Variants in ASNS observed in about 807,000 individuals in gnomAD.
The protein encoded by ASNS is asparagine synthetase [glutamine-hydrolyzing].
In ASNS, 37 loss-of-function variants were observed where a neutral mutation model predicts 62.6. The observed-to-expected ratio is 0.59, with a 90% CI of 0.45 to 0.78. ASNS has a LOEUF of 0.78. ASNS is among the 30% of genes least tolerant of loss of function. The pLI, the probability that ASNS is intolerant of heterozygous loss-of-function variation, is 0.00. For missense variants in ASNS, 520 were observed against 682.4 expected, an observed-to-expected ratio of 0.76 and a Z score of 2.65; for synonymous variants, 207 against 237.9, an observed-to-expected ratio of 0.87 and a Z score of 1.19.
chr7:97,878,389 C>T, the ASNS span, among the ~76,000 whole-genome samples: 1 of 152,102 alleles, frequency 6.6e-6, no homozygotes, highest in African/African-American at 2.4e-5. Context: ...GAAGGGAGTA[C>T]GTGACTGGGG....
At chr7:97,920,246 C>T in the ASNS span, among the ~76,000 whole-genome samples, 2 of 152,134 alleles carry the variant, frequency 1.3e-5, no homozygotes, top group Non-Finnish European at 2.9e-5. Flanking sequence ...TCAGGCGATC[C>T]GCCCACCTTG....
the ASNS span, among the ~76,000 whole-genome samples, chr7:97,916,735 A>C: frequency 6.6e-6 from 1 of 152,126 alleles, no homozygotes. Context: ...GAGGGCTTCC[A>C]TTTCATCTGC....
chr7:97,852,263 G>A lies in ASNS; in HGVS notation c.1682C>T (p.Ala561Val). ...ACATTACAGCATAAAGACCACCTAA[G>A]CTTTGACAGCTGACTTGTAGTGGGT... ...TLTHYKSAVK[A>V] is the part of the protein sequence containing the mutation. Residue 561 changes from alanine to valine, a missense_variant, in exon 13 of 13, where the codon GCT (alanine) becomes GTT (valine). By Grantham distance (64) the Ala-to-Val change is moderately conservative (BLOSUM62 0). Coordinates refer to ENST00000394308, the MANE Select transcript of ASNS (RefSeq NM_001673.5). The A allele has an allele frequency of 6.2e-7, 1 of 1,614,076 alleles. No individual in the cohort carries two copies. The highest frequency in any genetic ancestry group is 8.5e-7 in the Non-Finnish European group (1 of 1,180,014).
At chr7:97,871,725 T>TCGG (rs1792272408) in intron 1 of ASNS, 2 of 151,936 alleles carry the variant, frequency 1.3e-5, no homozygotes, top group Non-Finnish European at 2.9e-5. Context: ...AGACCTCTTC[T>TCGG]CGGCAGGGTT....
the ASNS span, among the ~76,000 whole-genome samples, chr7:97,923,830 G>A: frequency 5.1e-4 from 78 of 152,160 alleles, no homozygotes; most frequent in African/African-American, 1.7e-3. Flanking sequence ...CATATCCCAC[G>A]AATATTCCCT....
At chr7:97,887,226 A>G in the ASNS span, among the ~76,000 whole-genome samples, 7 of 152,298 alleles carry the variant, frequency 4.6e-5, no homozygotes, top group African/African-American at 1.7e-4. Context: ...GCCGTGCACA[A>G]TTACATGCAG....
At chr7:97,904,574 T>C in the ASNS span, among the ~76,000 whole-genome samples, 15 of 152,208 alleles carry the variant, frequency 9.9e-5, no homozygotes, top group East Asian at 2.7e-3. Context: ...GTACTAAGAA[T>C]TAAATGCTCC....
Position 97,864,359 on chromosome 7 carries a change from G to C in ASNS, c.387C>G (p.Ala129=). 6.2e-7 allele frequency: 1 copy of C among 1,613,768 alleles called. No homozygotes were observed. Among genetic ancestry groups the C allele is most frequent in the Non-Finnish European group, 8.5e-7 (1 of 1,179,854 alleles). The stretch of plus-strand genomic sequence containing the variant: ...CTCTACCCAGGAACACTTTCTTATT[G>C]GCAGTATCCAGTAAAACAAATGCAA... ...GVFAFVLLDT[A]NKKVFLGRDT... The change falls in exon 4 of 13, where the codon GCC becomes GCG. Residue 129 remains alanine (A), a synonymous_variant. Transcript: ENST00000394308.
the ASNS span, among the ~76,000 whole-genome samples, chr7:97,889,315 G>A: frequency 1.3e-5 from 2 of 152,050 alleles, no homozygotes; most frequent in African/African-American, 2.4e-5. Flanking sequence ...TCAGGAGTTC[G>A]AGAGCAGCCT....
upstream of ASNS, among the ~76,000 whole-genome samples, chr7:97,876,778 A>G (rs887038304): frequency 6.6e-6 from 1 of 152,146 alleles, no homozygotes; most frequent in African/African-American, 2.4e-5. Context: ...TGTGAAAATC[A>G]GAGTTCAGTA....
At chr7:97,881,209 T>G in the ASNS span, among the ~76,000 whole-genome samples, 50 of 152,352 alleles carry the variant, frequency 3.3e-4, no homozygotes, top group African/African-American at 1.2e-3. Context: ...CACACAGTGC[T>G]GGGATTACAG....
At chr7:97,907,721 A>G in the ASNS span, among the ~76,000 whole-genome samples, 4 of 151,476 alleles carry the variant, frequency 2.6e-5, no homozygotes, top group Non-Finnish European at 4.4e-5. Flanking sequence ...GTGAGCCGAG[A>G]TCGCACCACT....
chr7:97,870,504 T>G (rs1792202076), intron 1 of ASNS, among the ~76,000 whole-genome samples: 1 of 152,204 alleles, frequency 6.6e-6, no homozygotes, highest in Admixed American at 6.5e-5. Flanking sequence ...AGCTGGCTTT[T>G]CCGGAAAACC....
upstream of ASNS, among the ~76,000 whole-genome samples, chr7:97,872,801 G>T (rs1213859879): frequency 6.6e-6 from 1 of 152,220 alleles, no homozygotes; most frequent in Non-Finnish European, 1.5e-5. Flanking sequence ...GTCCTTATAA[G>T]ATCTATTAAT....
At position 97,864,310 on chromosome 7, in the gene ASNS, A is replaced by G. The variant is rs1791856955; in HGVS notation, c.436T>C (p.Phe146Leu). ...GRDTYGVRPLFKAMTEDGFLA... is the reference protein window; with the variant it reads ...GRDTYGVRPLLKAMTEDGFLA... ...AATCCATCTTCTGTCATTGCTTTAA[A>G]CAAAGGTCTGACTCCATATGTATCT... Residue 146 changes from phenylalanine (F) to leucine (L), a missense_variant, in exon 4 of 13, where the codon TTT (phenylalanine) becomes CTT (leucine). Transcript: ENST00000394308. 1.2e-6 allele frequency: 2 copies of G among 1,613,656 alleles called. No homozygotes were observed. The highest frequency in any genetic ancestry group is 2.7e-5 in the African/African-American group (2 of 74,922).
the ASNS span, among the ~76,000 whole-genome samples, chr7:97,911,033 G>A: frequency 6.6e-6 from 1 of 152,148 alleles, no homozygotes; most frequent in Non-Finnish European, 1.5e-5. Flanking sequence ...ACATTTTGAG[G>A]ACAAGACATC....
At position 97,858,874 on chromosome 7, in the gene ASNS, CT is replaced by C; in HGVS notation, c.754del (p.Arg252GlyfsTer20). 6.2e-7 allele frequency: 1 copy of C among 1,612,348 alleles called. No individual in the cohort carries two copies. Among genetic ancestry groups the C allele is most frequent in the Non-Finnish European group, 8.5e-7 (1 of 1,179,558 alleles). On this transcript the variant is annotated frameshift_variant, in exon 6 of 13. Transcript: ENST00000394308. LOFTEE classifies it high-confidence loss of function. ...AVKKRLMTDRRIGCLLSGGLD... is the reference protein window; with the variant it reads ...AVKKRLMTDRXIGCLLSGGLD... ...TTCACCTGATAAAAGGCAGCCAATC[CT>C]TCTGTCTGTCATCAAACGTTTCTTT...
At chr7:97,871,440 G>C (rs1318110082) in intron 1 of ASNS, among the ~76,000 whole-genome samples, 1 of 151,708 alleles carries the variant, frequency 6.6e-6, no homozygotes, top group African/African-American at 2.4e-5. Flanking sequence ...CTACAGACAG[G>C]TTCAAGCCCT....
intron 2 of ASNS, 124 bp from the exon 3 acceptor site, chr7:97,869,303 A>G: frequency 2.6e-6 from 3 of 1,150,722 alleles, no homozygotes; most frequent in Non-Finnish European, 3.6e-6. Context: ...TCTTTTCTAT[A>G]GCGATTTCCC....
Sources: gnomAD v4.1 joint callset for allele counts (sites outside exome capture counted in the v4.1 genomes callset) on GRCh38, gnomAD v4.1.1 for gene constraint, MANE v1.5 for transcripts, NCBI Gene and HGNC (gene_info 2026-07-23, HGNC 2026-07-21) for gene names.